The following KCTD15 variants were observed in gnomAD, a reference collection of about 807,000 sequenced individuals.
The protein encoded by KCTD15 is BTB/POZ domain-containing protein KCTD15.
In KCTD15, 11 loss-of-function variants were observed where a neutral mutation model predicts 27.2. The ratio of observed to expected loss-of-function variants is 0.41; its 90% confidence interval spans 0.25 to 0.67. KCTD15 has a LOEUF of 0.67. Among genes scored for constraint, KCTD15 ranks in the 30% least tolerant of loss-of-function variants. The probability of loss-of-function intolerance (pLI) is 0.35; values close to 1 mark genes in which losing one functional copy is unlikely to be tolerated. For missense variants in KCTD15, 350 were observed against 409.3 expected, an observed-to-expected ratio of 0.86 and a Z score of 1.25; for synonymous variants, 163 against 176.0, an observed-to-expected ratio of 0.93 and a Z score of 0.58.
chr19:33,795,466 G>T (rs904087166), upstream of KCTD15, among the ~76,000 whole-genome samples: 18 of 151,958 alleles, frequency 1.2e-4, no homozygotes, highest in Non-Finnish European at 2.2e-4. Flanking sequence ...GCGGCCGCTA[G>T]GGGGCGTCCA....
At chr19:33,810,572 C>G (rs898495711) in intron 5 of KCTD15, among the ~76,000 whole-genome samples, 9 of 150,792 alleles carry the variant, frequency 6.0e-5, no homozygotes, top group African/African-American at 2.2e-4. Flanking sequence ...CCCAGCTACT[C>G]GGGAGGCTGA....
chr19:33,811,051 G>T lies in KCTD15; in HGVS notation c.388-196G>T, dbSNP rs528546172. ...CATCAGCGGCTGCCCTTGGGACAAGGCTAGGTTCTTTATACTTGCAAACCA... is the reference window on the plus strand; with the variant it reads ...CATCAGCGGCTGCCCTTGGGACAAGTCTAGGTTCTTTATACTTGCAAACCA... On this transcript the variant is annotated intron_variant, in intron 5 of 6. Transcript: ENST00000683859. Among the ~76,000 whole-genome samples the T allele has an allele frequency of 5.3e-5, 8 of 152,264 alleles. No homozygotes were observed. The South Asian group carries it at 1.7e-3, about 32-fold the overall frequency.
Position 33,812,908 on chromosome 19 carries a change from C to T in KCTD15, c.812C>T (p.Thr271Ile). The T allele has an allele frequency of 6.5e-7, 1 of 1,549,696 alleles. No homozygotes were observed. The highest frequency in any genetic ancestry group is 1.7e-4 in the Middle Eastern group (1 of 5,986). The change falls in exon 7 of 7, where the codon ACC becomes ATC. Residue 271 changes from threonine to isoleucine, a missense_variant. Physicochemically the swap from Thr to Ile is moderately conservative, Grantham distance 89. This residue lies in a region of KCTD15 where 219 missense variants were observed against 234.9 expected (regional missense o/e 0.93). Transcript: ENST00000683859. ...CGGGAGGAGCGGCGGCCGCAGCCCA[C>T]CCCCACTGCTGTTCGAATCAAGCAG... is the stretch of plus-strand genomic sequence containing the variant. ...LCREERRPQPTPTAVRIKQEP... is the reference protein window; with the variant it reads ...LCREERRPQPIPTAVRIKQEP...
At chr19:33,810,699 G>GAA (rs537203646) in intron 5 of KCTD15, among the ~76,000 whole-genome samples, 2 of 148,364 alleles carry the variant, frequency 1.3e-5, no homozygotes, top group African/African-American at 2.5e-5. Context: ...AAAAAAAAAC[G>GAA]AAAAAAAAAC....
chr19:33,806,722 C>A, intron 4 of KCTD15, 141 bp from the exon 5 acceptor site: 1 of 901,520 alleles, frequency 1.1e-6, no homozygotes, highest in Non-Finnish European at 1.7e-6. Context: ...GTTGTCAGGC[C>A]TGGAACAGTT....
At chr19:33,794,721 G>A (rs1975266892), upstream of KCTD15, among the ~76,000 whole-genome samples, 1 of 152,256 alleles carries the variant, frequency 6.6e-6, no homozygotes, top group Admixed American at 6.5e-5. Flanking sequence ...GCATTTAAGG[G>A]TGGATACAGG....
chr19:33,810,869 A>T (rs903535543), intron 5 of KCTD15, among the ~76,000 whole-genome samples: 1 of 150,798 alleles, frequency 6.6e-6, no homozygotes, highest in Non-Finnish European at 1.5e-5. Flanking sequence ...GCCCAGCATG[A>T]TCTCTTCTCT....
chr19:33,798,990 C>G (rs1975443148), intron 2 of KCTD15, among the ~76,000 whole-genome samples: 1 of 152,208 alleles, frequency 6.6e-6, no homozygotes, highest in Non-Finnish European at 1.5e-5. Flanking sequence ...GACTCCTCCC[C>G]CAGCAGAGCC....
At chr19:33,812,128 G>GC in intron 6 of KCTD15, 3 of 1,267,946 alleles carry the variant, frequency 2.4e-6, no homozygotes, top group Non-Finnish European at 3.0e-6. Context: ...AGGGAAGAGG[G>GC]CCCCCTGTGC....
intron 1 of KCTD15, chr19:33,798,243 C>G (rs949890666): frequency 2.6e-5 from 4 of 151,506 alleles, no homozygotes; most frequent in African/African-American, 9.7e-5. Context: ...TTCTGTTTAC[C>G]TTTTATGGTT....
chr19:33,796,672 G>C (rs2145417832), upstream of KCTD15: 2 of 151,418 alleles, frequency 1.3e-5, no homozygotes, highest in East Asian at 2.0e-4. Context: ...AGGTGGGAGC[G>C]GCGGGAGGGC....
intron 1 of KCTD15, chr19:33,797,298 G>C (rs1297673644): frequency 2.6e-6 from 1 of 379,602 alleles, no homozygotes. Flanking sequence ...GCGCGCGCGC[G>C]CGCGCTTGTG....
chr19:33,795,939 G>C (rs1445898747), upstream of KCTD15: 1 of 152,072 alleles, frequency 6.6e-6, no homozygotes, highest in South Asian at 2.1e-4. Context: ...CAGCGGGGCA[G>C]AGACCCTGGG....
Position 33,812,948 on chromosome 19 carries a change from G to A in KCTD15, c.852G>A (p.Ter284=). Residue 284 remains the stop codon, a stop_retained_variant, in exon 7 of 7, where the codon TAG becomes TAA. Coordinates refer to ENST00000683859, the MANE Select transcript of KCTD15 (RefSeq NM_001129994.2). ...GAATCAAGCAGGAACCCCTGGACTAGGCCCTGCTTCAGTGCCCACCTGGGC... is the reference window on the plus strand; with the variant it reads ...GAATCAAGCAGGAACCCCTGGACTAAGCCCTGCTTCAGTGCCCACCTGGGC... The part of the protein sequence containing the change: ...AVRIKQEPLD[*] 6.5e-7 allele frequency: 1 copy of A among 1,544,350 alleles called. No individual in the cohort carries two copies. Among genetic ancestry groups the A allele is most frequent in the African/African-American group, 1.4e-5 (1 of 73,106 alleles).
At position 33,804,718 on chromosome 19, in the gene KCTD15, A is replaced by G. The variant is rs114911213; in HGVS notation, c.243-2145A>G. 9.0e-3 allele frequency among the ~76,000 whole-genome samples: 1,376 copies of G among 152,252 alleles called. 18 individuals carry two copies. The highest frequency in any genetic ancestry group is 0.032 in the African/African-American group (1,310 of 41,546). ...CTAGGCCAGGTCCTAGGGCCTTTGT[A>G]ACTGGAGCCAGCCGTGGAACCCACA... On this transcript the variant is annotated intron_variant, in intron 4 of 6. Transcript: ENST00000683859.
chr19:33,811,186 CCCCT>C, intron 5 of KCTD15, 57 bp from the exon 6 acceptor site: 1 of 1,020,254 alleles, frequency 9.8e-7, no homozygotes, highest in Non-Finnish European at 1.4e-6. Context: ...CTCCCCTCTC[CCCCT>C]TCCCCCACCA....
At chr19:33,797,021 C>T (rs1449018432) in intron 1 of KCTD15, 34 bp downstream of exon 1, 2 of 152,616 alleles carry the variant, frequency 1.3e-5, no homozygotes, top group Non-Finnish European at 1.5e-5. Context: ...CGCTCAGAGC[C>T]GCGCAACCCT....
chr19:33,811,738 G>A (rs1975931238), intron 6 of KCTD15, 186 bp downstream of exon 6: 1 of 1,578,558 alleles, frequency 6.3e-7, no homozygotes, highest in African/African-American at 1.4e-5. Context: ...GATGGCGCCT[G>A]GGGGATGGAC....
chr19:33,806,615 C>G (rs1975720160), intron 4 of KCTD15, among the ~76,000 whole-genome samples: 2 of 152,120 alleles, frequency 1.3e-5, no homozygotes, highest in African/African-American at 4.8e-5. Context: ...GTGTGTACAG[C>G]TGGGTGTGTC....
Sources: allele counts gnomAD v4.1 joint callset (sites outside exome capture counted in the v4.1 genomes callset), GRCh38; gene constraint gnomAD v4.1.1; regional missense constraint gnomAD v4.1.1; transcripts MANE v1.5; gene names NCBI Gene and HGNC (gene_info 2026-07-23, HGNC 2026-07-21).